CADPS: variants seen among roughly 807,000 people sequenced by gnomAD.
The protein encoded by CADPS is calcium dependent secretion activator, also known as calcium-dependent secretion activator 1.
Under a neutral mutation model 167.3 loss-of-function variants are expected in CADPS, and 57 were observed. The observed-to-expected ratio is 0.34, with a 90% CI of 0.28 to 0.42. The LOEUF (loss-of-function observed/expected upper bound fraction) is 0.42. Among genes scored for constraint, CADPS ranks in the 20% least tolerant of loss-of-function variants. The probability of loss-of-function intolerance (pLI) is 1.00; values close to 1 mark genes in which losing one functional copy is unlikely to be tolerated. For synonymous variants in CADPS, 676 were observed against 635.3 expected (o/e 1.06, Z -0.96); for missense variants, 1,414 against 1,738.1 (o/e 0.81, Z 3.32).
At chr3:62,520,785 T>C (rs559892420) in intron 13 of CADPS, among the ~76,000 whole-genome samples, 1 of 152,268 alleles carries the variant, frequency 6.6e-6, no homozygotes, top group African/African-American at 2.4e-5. Flanking sequence ...GAATAACAAC[T>C]TGTCAAAGAT....
intron 9 of CADPS, among the ~76,000 whole-genome samples, chr3:62,562,432 T>C (rs146067942): frequency 9.8e-5 from 15 of 152,318 alleles, no homozygotes; most frequent in Middle Eastern, 3.4e-3. Context: ...TTCTGGGACA[T>C]GGTTTTGTGA....
At chr3:62,496,173 C>T (rs570886474) in intron 18 of CADPS, among the ~76,000 whole-genome samples, 1 of 151,606 alleles carries the variant, frequency 6.6e-6, no homozygotes, top group East Asian at 1.9e-4. Context: ...GGAAGAAAAA[C>T]CCTATGTTTA....
chr3:62,792,179 G>C (rs1452207944), intron 1 of CADPS, among the ~76,000 whole-genome samples: 1 of 151,654 alleles, frequency 6.6e-6, no homozygotes, highest in East Asian at 1.9e-4. Flanking sequence ...GTCAATTCAT[G>C]TGACTAATGA....
rs369874258 is a variant in CADPS at position 62,649,543 on chromosome 3, C to CT, written c.1203+1303dup. On this transcript the variant is annotated intron_variant, in intron 5 of 29. Coordinates refer to ENST00000383710, the MANE Select transcript of CADPS (RefSeq NM_003716.4). ...TCAAGGGAATCATACAATATGTGGT[C>CT]TTTTTTTTTTTTTTTTTTTTTTTTT... Among the ~76,000 whole-genome samples the CT allele has an allele frequency of 1.6e-3, 60 of 37,802 alleles. 5 individuals are homozygous for CT. The highest frequency in any genetic ancestry group is 4.6e-3 in the African/African-American group (41 of 9,010). 24.8% of individuals were successfully genotyped at this position (37,802 alleles called of 152,430 possible).
At chr3:62,840,593 G>C (rs185175305) in intron 1 of CADPS, among the ~76,000 whole-genome samples, 15 of 152,240 alleles carry the variant, frequency 9.9e-5, no homozygotes, top group Middle Eastern at 3.4e-3. Flanking sequence ...AAAAAAGTGT[G>C]TGTGTTTGGG....
At chr3:62,775,062 GTC>G (rs1230997544) in intron 1 of CADPS, among the ~76,000 whole-genome samples, 1 of 151,746 alleles carries the variant, frequency 6.6e-6, no homozygotes, top group Non-Finnish European at 1.5e-5. Context: ...TTGAGACAGA[GTC>G]TCTCACTCTG....
chr3:62,417,136 T>C (rs1053924936), intron 28 of CADPS, among the ~76,000 whole-genome samples: 3 of 152,214 alleles, frequency 2.0e-5, no homozygotes, highest in African/African-American at 4.8e-5. Flanking sequence ...TGCTGTACTC[T>C]GTCTGAACAC....
At chr3:62,857,614 G>A (rs1033399116) in intron 1 of CADPS, among the ~76,000 whole-genome samples, 48 of 151,920 alleles carry the variant, frequency 3.2e-4, no homozygotes, top group Non-Finnish European at 6.5e-4. Context: ...AAAGTAGGTT[G>A]CAAAGCAATA....
Position 62,572,710 on chromosome 3 carries a change from C to T in CADPS, c.1578-1772G>A, listed in dbSNP as rs528710648. On this transcript the variant is annotated intron_variant, in intron 8 of 29. Transcript: ENST00000383710. ...TTATAGGCTTGATATACCAATTATA[C>T]ATTATGTAGCACATATTAAAATACA... 3.8e-4 allele frequency among the ~76,000 whole-genome samples: 58 copies of T among 152,248 alleles called. 1 individual carries two copies. The South Asian group carries it at 0.012, about 31-fold the overall frequency.
At chr3:62,515,720 G>T (rs2068814650) in intron 16 of CADPS, among the ~76,000 whole-genome samples, 1 of 152,026 alleles carries the variant, frequency 6.6e-6, no homozygotes, top group Admixed American at 6.6e-5. Context: ...AAAGAAGGGG[G>T]CAATTCTACA....
chr3:62,616,474 G>A (rs980899177), intron 6 of CADPS, among the ~76,000 whole-genome samples: 3 of 151,840 alleles, frequency 2.0e-5, no homozygotes, highest in African/African-American at 7.3e-5. Flanking sequence ...ACATAATTTA[G>A]CTCTTCCTAC....
intron 5 of CADPS, 36 bp from the exon 6 acceptor site, chr3:62,645,879 C>A (rs765631187): frequency 2.5e-5 from 41 of 1,611,932 alleles, no homozygotes; most frequent in Non-Finnish European, 3.4e-5. Context: ...AGGTTATTGG[C>A]AAGGCCCCTG....
intron 1 of CADPS, among the ~76,000 whole-genome samples, chr3:62,778,346 TA>T (rs2152612155): frequency 6.6e-6 from 1 of 152,372 alleles, no homozygotes; most frequent in African/African-American, 2.4e-5. Flanking sequence ...TTTCATTTTT[TA>T]GTAAGTCTAT....
intron 21 of CADPS, among the ~76,000 whole-genome samples, chr3:62,482,318 A>G (rs2062130200): frequency 6.6e-6 from 1 of 152,172 alleles, no homozygotes; most frequent in African/African-American, 2.4e-5. Context: ...TGATGGAGGC[A>G]TATTTCTCAA....
intron 1 of CADPS, among the ~76,000 whole-genome samples, chr3:62,860,541 CCTG>C (rs974703761): frequency 1.3e-5 from 2 of 152,128 alleles, no homozygotes; most frequent in Non-Finnish European, 1.5e-5. Context: ...GGTTTCACAT[CCTG>C]CTAATATTAT....
At chr3:62,523,263 C>G (rs1175241022) in intron 13 of CADPS, among the ~76,000 whole-genome samples, 2 of 152,066 alleles carry the variant, frequency 1.3e-5, no homozygotes, top group Non-Finnish European at 2.9e-5. Context: ...GCAAATTGTT[C>G]TCTTTTTCCC....
chr3:62,399,185 C>T lies in CADPS; in HGVS notation c.*221G>A, dbSNP rs1705010427. 1 of 509,820 alleles carries T rather than the reference C, an allele frequency of 2.0e-6. No homozygotes were observed. Among genetic ancestry groups the T allele is most frequent in the Non-Finnish European group, 3.5e-6 (1 of 282,360 alleles). The allele number at this position is 509,820 out of a possible 1,614,324, so 31.6% of individuals were successfully genotyped here. On this transcript the variant is annotated 3_prime_UTR_variant, in exon 30 of 30. Coordinates refer to ENST00000383710, the MANE Select transcript of CADPS (RefSeq NM_003716.4). The surrounding 1 kb of genome is among the most constrained non-coding windows in gnomAD (Gnocchi z 5.6). ...CATGAACAGTATTTAAAGAATGGTG[C>T]TCCATATTGCTTGTAAACATATAGA...
At chr3:62,578,160 G>A (rs1033952542) in intron 8 of CADPS, among the ~76,000 whole-genome samples, 12 of 145,570 alleles carry the variant, frequency 8.2e-5, no homozygotes, top group Non-Finnish European at 8.9e-5. Context: ...TAAAAAGATA[G>A]AAAAAAAAAG....
chr3:62,708,177 G>A (rs1251041030), intron 3 of CADPS, among the ~76,000 whole-genome samples: 2 of 151,826 alleles, frequency 1.3e-5, no homozygotes, highest in Non-Finnish European at 2.9e-5. Context: ...GCTTGCCTCA[G>A]CCTCTCAAAG....
Sources: allele counts gnomAD v4.1 joint callset (sites outside exome capture counted in the v4.1 genomes callset), GRCh38; gene constraint gnomAD v4.1.1; non-coding constraint Gnocchi (gnomAD v3.1); transcripts MANE v1.5; gene names NCBI Gene and HGNC (gene_info 2026-07-23, HGNC 2026-07-21).